SGSM1: variants seen among roughly 807,000 people sequenced by gnomAD.
The protein encoded by SGSM1 is small G protein signaling modulator 1.
Under a neutral mutation model 133.8 loss-of-function variants are expected in SGSM1, and 73 were observed. The ratio of observed to expected loss-of-function variants is 0.55; its 90% CI spans 0.45 to 0.66. The LOEUF is 0.66. Ranked by LOEUF, SGSM1 falls within the 30% of genes least tolerant of loss-of-function variation. The pLI, the probability that SGSM1 is intolerant of heterozygous loss-of-function variation, is 0.00. For synonymous variants in SGSM1, 563 were observed against 573.0 expected (o/e 0.98, Z 0.25); for missense variants, 1,213 against 1,448.1 (o/e 0.84, Z 2.64).
chr22:24,890,866 T>C (rs960243382), intron 16 of SGSM1, among the ~76,000 whole-genome samples: 5 of 152,158 alleles, frequency 3.3e-5, no homozygotes, highest in African/African-American at 9.7e-5. Flanking sequence ...TATTTTACAC[T>C]CTATATTCGT....
intron 16 of SGSM1, among the ~76,000 whole-genome samples, chr22:24,889,324 T>G (rs569587395): frequency 6.6e-6 from 1 of 152,218 alleles, no homozygotes; most frequent in East Asian, 1.9e-4. Flanking sequence ...CTTCTTATTT[T>G]GAAATATAAA....
chr22:24,896,533 A>G lies in SGSM1; in HGVS notation c.2022+1242A>G, dbSNP rs1029104069. 4.6e-5 allele frequency among the ~76,000 whole-genome samples: 7 copies of G among 152,208 alleles called. No homozygotes were observed. The South Asian group carries it at 1.4e-3, about 31-fold the overall frequency. ...AATGTATTCTGGAGATTTTTTTCAT[A>G]GTATTTCATGTATATCTAACTTGAA... On this transcript the variant is annotated intron_variant, in intron 18 of 24. Transcript: ENST00000400358.
At chr22:24,888,118 T>A (rs1248072532) in intron 16 of SGSM1, among the ~76,000 whole-genome samples, 1 of 152,230 alleles carries the variant, frequency 6.6e-6, no homozygotes, top group African/African-American at 2.4e-5. Flanking sequence ...GATACGTGAT[T>A]GGCAAATATT....
chr22:24,886,376 G>C (rs567289369), intron 15 of SGSM1, among the ~76,000 whole-genome samples: 6 of 136,846 alleles, frequency 4.4e-5, no homozygotes, highest in Non-Finnish European at 9.2e-5. Context: ...ACTACAGCCT[G>C]GGTGACAGAG....
chr22:24,911,927 C>T (rs777760043), intron 21 of SGSM1, among the ~76,000 whole-genome samples: 1 of 151,830 alleles, frequency 6.6e-6, no homozygotes, highest in Non-Finnish European at 1.5e-5. Flanking sequence ...TGGTGGCGGG[C>T]GCCTGTAGTC....
At chr22:24,818,453 T>G (rs1340272670) in intron 2 of SGSM1, among the ~76,000 whole-genome samples, 1 of 150,502 alleles carries the variant, frequency 6.6e-6, no homozygotes, top group African/African-American at 2.4e-5. Flanking sequence ...ATGAAGCCTC[T>G]GCCTCCCAGG....
chr22:24,849,570 A>C (rs911246649), intron 4 of SGSM1, among the ~76,000 whole-genome samples: 1 of 152,198 alleles, frequency 6.6e-6, no homozygotes, highest in Non-Finnish European at 1.5e-5. Context: ...CAACAAAAAA[A>C]ATGAGTTGCC....
chr22:24,884,871 A>G (rs915384733), intron 15 of SGSM1, among the ~76,000 whole-genome samples: 3 of 152,212 alleles, frequency 2.0e-5, no homozygotes, highest in African/African-American at 7.2e-5. Context: ...TACCTGTTAA[A>G]GTCATCCTAG....
intron 2 of SGSM1, among the ~76,000 whole-genome samples, chr22:24,830,929 A>G (rs1929085886): frequency 6.6e-6 from 1 of 152,082 alleles, no homozygotes; most frequent in Non-Finnish European, 1.5e-5. Context: ...CTGCACTAAA[A>G]GCCCCTCCTG....
intron 5 of SGSM1, among the ~76,000 whole-genome samples, chr22:24,854,023 A>G (rs919497334): frequency 6.6e-6 from 1 of 152,038 alleles, no homozygotes; most frequent in Non-Finnish European, 1.5e-5. Flanking sequence ...CACTATCACA[A>G]GAATAGCATG....
Position 24,901,972 on chromosome 22 carries a change from C to T in SGSM1, c.2735+15C>T, listed in dbSNP as rs1264578966. 5 of 658,966 alleles carry T rather than the reference C, an allele frequency of 7.6e-6. No individual in the cohort carries two copies. Among genetic ancestry groups the T allele is most frequent in the Non-Finnish European group, 6.0e-6 (3 of 501,476 alleles). 40.8% of individuals were successfully genotyped at this position (658,966 alleles called of 1,614,324 possible). On this transcript the variant is annotated intron_variant, in intron 20 of 24. Transcript: ENST00000400358. ...ATCATGTGCAGGTGGCTGGGGACAG[C>T]GAGGGGATCTAGGGGATGGGGATGG...
At position 24,889,859 on chromosome 22, in the gene SGSM1, C is replaced by T. The variant is rs183872628; in HGVS notation, c.1770+3131C>T. On this transcript the variant is annotated intron_variant, in intron 16 of 24. Transcript: ENST00000400358. ...AGAGACGAGGTTTCACCGTGTTGGCCGGGCTGGTCTTGAACTCCTGACCTC... is the reference window on the plus strand; with the variant it reads ...AGAGACGAGGTTTCACCGTGTTGGCTGGGCTGGTCTTGAACTCCTGACCTC... 7.1e-4 allele frequency among the ~76,000 whole-genome samples: 101 copies of T among 141,310 alleles called. 1 individual carries two copies. In the East Asian group the frequency reaches 0.017, roughly 24 times the overall value. The allele number at this position is 141,310 out of a possible 152,430, so 92.7% of individuals were successfully genotyped here.
intron 8 of SGSM1, among the ~76,000 whole-genome samples, chr22:24,856,763 CT>C: frequency 1.3e-5 from 2 of 150,046 alleles, no homozygotes; most frequent in African/African-American, 4.9e-5. Flanking sequence ...TATACAGTTT[CT>C]TTTCTTTTTT....
At chr22:24,868,970 TC>T (rs1931620946) in intron 12 of SGSM1, 115 bp downstream of exon 12, 1 of 1,449,620 alleles carries the variant, frequency 6.9e-7, no homozygotes, top group Non-Finnish European at 9.2e-7. Flanking sequence ...AACAGGAGGA[TC>T]TGGAAACAGA....
At position 24,925,292 on chromosome 22, in the gene SGSM1, G is replaced by C. The variant is rs990446887; in HGVS notation, c.*1018G>C. On this transcript the variant is annotated 3_prime_UTR_variant, in exon 25 of 25. Coordinates refer to ENST00000400358, the MANE Select transcript of SGSM1 (RefSeq NM_001098497.3). ...GAATCACTTGAACCTGGGAGGTGGA[G>C]GTTGCAGTGAGTTGAGATCACGCCA... 2 of 151,966 alleles carry C rather than the reference G, an allele frequency of 1.3e-5. No individual in the cohort carries two copies. The highest frequency in any genetic ancestry group is 2.1e-4 in the South Asian group (1 of 4,798). 9.4% of individuals were successfully genotyped at this position (151,966 alleles called of 1,614,324 possible). A position where few individuals can be genotyped will look rare whatever the true frequency, so the allele number is the denominator to read the frequency against.
intron 3 of SGSM1, among the ~76,000 whole-genome samples, chr22:24,847,258 T>C (rs1043633707): frequency 1.2e-4 from 19 of 152,218 alleles, no homozygotes; most frequent in Admixed American, 1.2e-3. Flanking sequence ...ACCATGGTGA[T>C]GAGACCAAAA....
Position 24,927,301 on chromosome 22 carries a change from G to A in SGSM1, c.*3027G>A, listed in dbSNP as rs1265326832. 2.6e-5 allele frequency: 4 copies of A among 152,322 alleles called. 1 individual carries two copies. The East Asian group carries it at 5.8e-4, about 22-fold the overall frequency. 9.4% of individuals were successfully genotyped at this position (152,322 alleles called of 1,614,324 possible). A position where few individuals can be genotyped will look rare whatever the true frequency, so the allele number is the denominator to read the frequency against. Reference sequence around the variant, plus strand: ...AGCTTAGGCTTGTTTACATGGCTATGATAGCAGATCCCAGAAGGTAAGCAG... The same window carrying A: ...AGCTTAGGCTTGTTTACATGGCTATAATAGCAGATCCCAGAAGGTAAGCAG... On this transcript the variant is annotated 3_prime_UTR_variant, in exon 25 of 25. Coordinates refer to ENST00000400358, the MANE Select transcript of SGSM1 (RefSeq NM_001098497.3).
intron 12 of SGSM1, chr22:24,874,709 C>T: frequency 8.1e-7 from 1 of 1,240,616 alleles, no homozygotes; most frequent in Non-Finnish European, 1.1e-6. Flanking sequence ...TGATGCCCTC[C>T]TGCTGTCCAG....
At chr22:24,898,802 T>C (rs534298763) in intron 19 of SGSM1, among the ~76,000 whole-genome samples, 15 of 150,770 alleles carry the variant, frequency 9.9e-5, no homozygotes, top group African/African-American at 2.0e-4. Context: ...CTGAGGGGGG[T>C]GGATCACGAA....
Sources: allele counts gnomAD v4.1 joint callset (sites outside exome capture counted in the v4.1 genomes callset), GRCh38; gene constraint gnomAD v4.1.1; transcripts MANE v1.5; gene names NCBI Gene and HGNC (gene_info 2026-07-23, HGNC 2026-07-21).